The following SCARA5 variants were observed in gnomAD, a reference collection of about 807,000 sequenced individuals.
SCARA5 encodes scavenger receptor class A, member 5 (putative).
Under a neutral mutation model 46.3 loss-of-function variants are expected in SCARA5, and 45 were observed. That is an observed-to-expected ratio of 0.97 (90% confidence interval 0.76 to 1.24). The LOEUF is 1.24. Among genes scored for constraint, SCARA5 ranks in the 50% most tolerant of loss-of-function variants. The pLI, the probability that SCARA5 is intolerant of heterozygous loss-of-function variation, is 0.00. For synonymous variants in SCARA5, 333 were observed against 306.5 expected, an observed-to-expected ratio of 1.09 and a Z score of -0.90; for missense variants, 680 against 689.0, an observed-to-expected ratio of 0.99 and a Z score of 0.15.
intron 2 of SCARA5, among the ~76,000 whole-genome samples, chr8:27,967,175 C>T (rs985875170): frequency 6.6e-6 from 1 of 152,222 alleles, no homozygotes; most frequent in Non-Finnish European, 1.5e-5. Flanking sequence ...AGCTTGCAAC[C>T]TTGCATTTAG....
chr8:27,942,385 C>A (rs1374897746), intron 3 of SCARA5, among the ~76,000 whole-genome samples: 1 of 152,158 alleles, frequency 6.6e-6, no homozygotes, highest in East Asian at 1.9e-4. Flanking sequence ...CAAAGAGATC[C>A]AGAACGCTGT....
chr8:27,977,217 C>T (rs1445462441), intron 2 of SCARA5, among the ~76,000 whole-genome samples: 2 of 152,130 alleles, frequency 1.3e-5, no homozygotes, highest in East Asian at 1.9e-4. Flanking sequence ...CCCAGAGGCC[C>T]CACCTCCTAG....
intron 2 of SCARA5, among the ~76,000 whole-genome samples, chr8:27,982,796 G>A (rs1385249221): frequency 6.6e-6 from 1 of 152,142 alleles, no homozygotes; most frequent in Non-Finnish European, 1.5e-5. Flanking sequence ...TGCTCAGGGA[G>A]GGGACAGAGA....
At position 27,922,219 on chromosome 8, in the gene SCARA5, C is replaced by T. The variant is rs897372675; in HGVS notation, c.268G>A (p.Asp90Asn). Reference sequence around the variant, plus strand: ...ACATTGCGAGTCAGGGCCTTCAGGTCGTCAGGGGAGCTGCGCGGCCTGGAC... The same window carrying T: ...ACATTGCGAGTCAGGGCCTTCAGGTTGTCAGGGGAGCTGCGCGGCCTGGAC... ...AVSRPRSSPD[D>N]LKALTRNVNR... is the part of the protein sequence containing the mutation. Residue 90 changes from aspartate (D) to asparagine (N), a missense_variant, in exon 4 of 9, where the codon GAC becomes AAC. Around this residue, in one of 3 missense-constraint regions of SCARA5, gnomAD observed 438 missense variants for 384.5 expected, o/e 1.14. Transcript: ENST00000354914. 7.0e-6 allele frequency: 11 copies of T among 1,580,922 alleles called. No individual in the cohort carries two copies. The highest frequency in any genetic ancestry group is 5.3e-5 in the Admixed American group (3 of 56,644).
chr8:27,932,422 T>TA (rs1166873266), intron 3 of SCARA5, among the ~76,000 whole-genome samples: 1 of 152,246 alleles, frequency 6.6e-6, no homozygotes, highest in African/African-American at 2.4e-5. Context: ...GACCCTGTAT[T>TA]AGTCCTCTCC....
intron 2 of SCARA5, among the ~76,000 whole-genome samples, chr8:27,975,548 G>A (rs1161275070): frequency 1.3e-5 from 2 of 152,190 alleles, no homozygotes; most frequent in Non-Finnish European, 2.9e-5. Context: ...ATCGCATCAG[G>A]ATTGAATTGA....
intron 4 of SCARA5, among the ~76,000 whole-genome samples, chr8:27,920,818 A>C (rs991592146): frequency 1.3e-5 from 2 of 151,574 alleles, no homozygotes; most frequent in Non-Finnish European, 1.5e-5. Context: ...AACAGAAAAC[A>C]AAACGACAAC....
intron 3 of SCARA5, among the ~76,000 whole-genome samples, chr8:27,927,185 G>A (rs920464116): frequency 6.6e-6 from 1 of 152,128 alleles, no homozygotes. Context: ...AGCCCAGCTA[G>A]TCCTCTGCAC....
chr8:27,962,801 T>A (rs1808312660), intron 3 of SCARA5, among the ~76,000 whole-genome samples: 1 of 152,214 alleles, frequency 6.6e-6, no homozygotes, highest in Non-Finnish European at 1.5e-5. Flanking sequence ...GTATTCATGA[T>A]TTTAAACCCT....
At chr8:27,884,658 GGAGACTCCCT>G (rs1563512213) in intron 7 of SCARA5, among the ~76,000 whole-genome samples, 1 of 152,178 alleles carries the variant, frequency 6.6e-6, no homozygotes, top group African/African-American at 2.4e-5. Context: ...GTAGACGGTC[GGAGACTCCCT>G]GACTTAGCCT....
At chr8:27,976,412 T>C (rs1023473586) in intron 2 of SCARA5, among the ~76,000 whole-genome samples, 1 of 152,168 alleles carries the variant, frequency 6.6e-6, no homozygotes, top group Middle Eastern at 3.2e-3. Flanking sequence ...GTTCAGAAGA[T>C]TCCCAGTTCC....
rs1272514899 is a variant in SCARA5, at chr8:27,991,865, A to ACACACACACATG, written c.-16+380_-16+391dup. 7.0e-3 allele frequency among the ~76,000 whole-genome samples: 1,002 copies of ACACACACACATG among 142,140 alleles called. 12 individuals carry two copies. Among genetic ancestry groups the ACACACACACATG allele is most frequent in the African/African-American group, 0.024 (953 of 39,278 alleles). 93.2% of individuals were successfully genotyped at this position (142,140 alleles called of 152,430 possible). A position where few individuals can be genotyped will look rare whatever the true frequency, so the allele number is the denominator to read the frequency against. On this transcript the variant is annotated intron_variant, in intron 1 of 8. Coordinates refer to ENST00000354914, the MANE Select transcript of SCARA5 (RefSeq NM_173833.6). ...GACATGCACACACACACACATGCAC[A>ACACACACACATG]CACACACACATGCACACACACACAT...
chr8:27,873,102 C>T (rs1806666361), intron 8 of SCARA5, among the ~76,000 whole-genome samples: 1 of 152,168 alleles, frequency 6.6e-6, no homozygotes. Flanking sequence ...TAGCTGATTA[C>T]TCAAGGTGTG....
intron 3 of SCARA5, among the ~76,000 whole-genome samples, chr8:27,934,920 G>A (rs572195961): frequency 6.6e-6 from 1 of 152,368 alleles, no homozygotes; most frequent in African/African-American, 2.4e-5. Context: ...CATCTTACTA[G>A]AAGTCTCACG....
intron 4 of SCARA5, among the ~76,000 whole-genome samples, chr8:27,913,028 C>T (rs529567627): frequency 1.3e-5 from 2 of 151,774 alleles, no homozygotes; most frequent in East Asian, 1.9e-4. Flanking sequence ...CTGCATAACG[C>T]CTCCTCACTT....
rs867868330 is a variant in SCARA5 at position 27,949,322 on chromosome 8, G to A, written c.241+17092C>T. Reference sequence around the variant, plus strand: ...CCCAGCTTTGACCTTAACCACCAGTGCCCTTTAAATTTAATCAGCAACTAT... The same window carrying A: ...CCCAGCTTTGACCTTAACCACCAGTACCCTTTAAATTTAATCAGCAACTAT... On this transcript the variant is annotated intron_variant, in intron 3 of 8. Coordinates refer to ENST00000354914, the MANE Select transcript of SCARA5 (RefSeq NM_173833.6). 6.6e-5 allele frequency among the ~76,000 whole-genome samples: 10 copies of A among 152,346 alleles called. No individual in the cohort carries two copies. In the South Asian group the frequency reaches 1.5e-3, roughly 22 times the overall value.
chr8:27,984,497 T>TTCATCTATCC (rs1808669914), intron 2 of SCARA5, among the ~76,000 whole-genome samples: 2 of 113,692 alleles, frequency 1.8e-5, no homozygotes, highest in African/African-American at 8.3e-5. Context: ...TCTATTTATT[T>TTCATCTATCC]ATTCATTCAT....
intron 2 of SCARA5, among the ~76,000 whole-genome samples, chr8:27,984,806 T>C (rs182513659): frequency 1.3e-5 from 2 of 152,300 alleles, no homozygotes; most frequent in Admixed American, 6.5e-5. Flanking sequence ...CATTCATCCA[T>C]CCATTCATCC....
intron 2 of SCARA5, among the ~76,000 whole-genome samples, chr8:27,976,661 G>A (rs1808528159): frequency 6.6e-6 from 1 of 152,172 alleles, no homozygotes; most frequent in South Asian, 2.1e-4. Flanking sequence ...TGGGAAGGGT[G>A]TCTGGCTTGG....
Sources: allele counts gnomAD v4.1 joint callset (sites outside exome capture counted in the v4.1 genomes callset), GRCh38; gene constraint gnomAD v4.1.1; regional missense constraint gnomAD v4.1.1; transcripts MANE v1.5; gene names NCBI Gene and HGNC (gene_info 2026-07-23, HGNC 2026-07-21).